Variants in LOC128092252 observed in about 807,000 individuals in gnomAD.
At chr15:50,679,492 T>C in the LOC128092252 span, among the ~76,000 whole-genome samples, 1 of 120,118 alleles carries the variant, frequency 8.3e-6, no homozygotes, top group Non-Finnish European at 1.7e-5. Context: ...ATATATATTA[T>C]ATATATGTGT....
At chr15:50,654,222 G>A in the LOC128092252 span, among the ~76,000 whole-genome samples, 2,541 of 149,260 alleles carry the variant, frequency 0.017, 54 homozygotes, top group Non-Finnish European at 0.026. Flanking sequence ...AAGGCGGGCG[G>A]ATCACCTGAG....
chr15:50,667,519 C>T, the LOC128092252 span, among the ~76,000 whole-genome samples: 7 of 152,216 alleles, frequency 4.6e-5, no homozygotes, highest in Middle Eastern at 3.4e-3. Context: ...CCAGCCTGGC[C>T]GACATGTAAA....
At chr15:50,669,240 G>A in the LOC128092252 span, among the ~76,000 whole-genome samples, 37 of 151,436 alleles carry the variant, frequency 2.4e-4, no homozygotes, top group African/African-American at 8.3e-4. Context: ...TCTGGAGTTC[G>A]AGACCAGCCT....
the LOC128092252 span, among the ~76,000 whole-genome samples, chr15:50,662,650 T>C: frequency 3.3e-5 from 5 of 151,990 alleles, no homozygotes; most frequent in Non-Finnish European, 7.4e-5. Flanking sequence ...TATCAGTGAA[T>C]CCATTAAAAA....
At chr15:50,670,577 A>C in the LOC128092252 span, among the ~76,000 whole-genome samples, 4,767 of 152,186 alleles carry the variant, frequency 0.031, 103 homozygotes, top group Middle Eastern at 0.1. Context: ...AACATTCAGA[A>C]GTTACCCTAT....
chr15:50,649,306 G>A, the LOC128092252 span, among the ~76,000 whole-genome samples: 1 of 152,006 alleles, frequency 6.6e-6, no homozygotes, highest in Non-Finnish European at 1.5e-5. Context: ...AAGTGTGGTG[G>A]CATACACCTG....
the LOC128092252 span, among the ~76,000 whole-genome samples, chr15:50,681,220 C>G: frequency 6.6e-6 from 1 of 151,626 alleles, no homozygotes; most frequent in Non-Finnish European, 1.5e-5. Context: ...CACTGCACTT[C>G]AGCCTGGATG....
At chr15:50,654,833 T>TA in the LOC128092252 span, among the ~76,000 whole-genome samples, 73,726 of 147,122 alleles carry the variant, frequency 0.5, 20,267 homozygotes, top group Admixed American at 0.61. Flanking sequence ...CCATCTCTAC[T>TA]AAAAAAAACC....
chr15:50,680,401 T>C, the LOC128092252 span, among the ~76,000 whole-genome samples: 2 of 151,428 alleles, frequency 1.3e-5, no homozygotes, highest in Non-Finnish European at 2.9e-5. Context: ...TTTTAAAAAA[T>C]AAAAATAAAA....
At chr15:50,650,047 G>C in the LOC128092252 span, among the ~76,000 whole-genome samples, 2 of 151,790 alleles carry the variant, frequency 1.3e-5, no homozygotes, top group African/African-American at 4.8e-5. Context: ...CAAAAAATTA[G>C]CTGGGCATGG....
the LOC128092252 span, among the ~76,000 whole-genome samples, chr15:50,650,192 CAAAAAAAAAAA>C: frequency 0.13 from 8,304 of 62,322 alleles, 322 homozygotes; most frequent in South Asian, 0.25. Flanking sequence ...GACTTTGTCT[CAAAAAAAAAAA>C]AAAAAAAAAA....
At chr15:50,678,246 A>AAAAAAC in the LOC128092252 span, among the ~76,000 whole-genome samples, 61 of 142,546 alleles carry the variant, frequency 4.3e-4, 5 homozygotes, top group East Asian at 8.2e-4. Flanking sequence ...TCTCAAAAAA[A>AAAAAAC]AAAAACAAAA....
At chr15:50,680,722 TA>T in the LOC128092252 span, among the ~76,000 whole-genome samples, 1 of 152,012 alleles carries the variant, frequency 6.6e-6, no homozygotes, top group African/African-American at 2.4e-5. Flanking sequence ...ATAACTTTTT[TA>T]AAAAAAACCT....
the LOC128092252 span, among the ~76,000 whole-genome samples, chr15:50,657,250 T>C: frequency 6.6e-6 from 1 of 152,058 alleles, no homozygotes; most frequent in Non-Finnish European, 1.5e-5. Context: ...CTTGAACCCA[T>C]GAGACAGAGG....
chr15:50,649,628 T>C, the LOC128092252 span, among the ~76,000 whole-genome samples: 1 of 152,096 alleles, frequency 6.6e-6, no homozygotes, highest in African/African-American at 2.4e-5. Context: ...TGAACTAATC[T>C]ATATAGTGAC....
At chr15:50,670,592 T>C in the LOC128092252 span, among the ~76,000 whole-genome samples, 1 of 151,908 alleles carries the variant, frequency 6.6e-6, no homozygotes, top group East Asian at 1.9e-4. Context: ...CCCTATATAG[T>C]TTAAAAAGAG....
At chr15:50,660,985 T>G in the LOC128092252 span, among the ~76,000 whole-genome samples, 4 of 152,070 alleles carry the variant, frequency 2.6e-5, no homozygotes, top group African/African-American at 9.7e-5. Flanking sequence ...TTCCTTTTTT[T>G]TTTTTTTGAG....
chr15:50,680,906 T>C, the LOC128092252 span, among the ~76,000 whole-genome samples: 1 of 152,168 alleles, frequency 6.6e-6, no homozygotes, highest in Non-Finnish European at 1.5e-5. Context: ...GCTCTTTATA[T>C]ATAAATAATG....
the LOC128092252 span, among the ~76,000 whole-genome samples, chr15:50,678,128 C>G: frequency 6.6e-6 from 1 of 151,014 alleles, no homozygotes; most frequent in South Asian, 2.1e-4. Flanking sequence ...GTAGTCCCAG[C>G]TACTCGGGAG....
Sources: gnomAD v4.1 joint callset for allele counts (sites outside exome capture counted in the v4.1 genomes callset) on GRCh38, gnomAD v4.1.1 for gene constraint, MANE v1.5 for transcripts.